VKORC1L1: variants seen among roughly 807,000 people sequenced by gnomAD.
The protein encoded by VKORC1L1 is vitamin K epoxide reductase complex subunit 1-like protein 1.
Under a neutral mutation model 18.9 loss-of-function variants are expected in VKORC1L1, and 2 were observed. That is an observed-to-expected ratio of 0.11 (90% CI 0.04 to 0.33). VKORC1L1 has a LOEUF of 0.33. VKORC1L1 is among the 10% of genes least tolerant of loss of function. The pLI, the probability that VKORC1L1 is intolerant of heterozygous loss-of-function variation, is 1.00. For missense variants in VKORC1L1, 123 were observed against 224.1 expected, an observed-to-expected ratio of 0.55 and a Z score of 2.88; for synonymous variants, 96 against 100.0, an observed-to-expected ratio of 0.96 and a Z score of 0.24.
At chr7:65,896,295 T>A (rs1789211049) in intron 1 of VKORC1L1, among the ~76,000 whole-genome samples, 1 of 152,174 alleles carries the variant, frequency 6.6e-6, no homozygotes, top group Admixed American at 6.6e-5. Context: ...TTATCTGTTT[T>A]ACTATTGATG....
At chr7:65,929,233 A>G (rs1263685040) in intron 1 of VKORC1L1, among the ~76,000 whole-genome samples, 1 of 152,050 alleles carries the variant, frequency 6.6e-6, no homozygotes, top group Admixed American at 6.6e-5. Context: ...ACATGGTGAA[A>G]CCTCATCTCT....
intron 1 of VKORC1L1, among the ~76,000 whole-genome samples, chr7:65,898,220 T>G (rs1429099457): frequency 6.6e-6 from 1 of 151,202 alleles, no homozygotes; most frequent in African/African-American, 2.4e-5. Context: ...CCCGAGTGTA[T>G]GGGTTACAGG....
At chr7:65,945,539 G>A (rs1018678008) in intron 1 of VKORC1L1, among the ~76,000 whole-genome samples, 18 of 151,938 alleles carry the variant, frequency 1.2e-4, no homozygotes, top group African/African-American at 2.4e-4. Context: ...CTGAACCTGG[G>A]AGGCGGAACT....
chr7:65,940,215 G>T (rs765255977), intron 1 of VKORC1L1, among the ~76,000 whole-genome samples: 23 of 151,860 alleles, frequency 1.5e-4, no homozygotes, highest in Non-Finnish European at 2.4e-4. Flanking sequence ...TCTAGAGATG[G>T]GGTCTCACCA....
intron 2 of VKORC1L1, among the ~76,000 whole-genome samples, chr7:65,950,042 T>C (rs1343674052): frequency 1.3e-5 from 2 of 152,226 alleles, no homozygotes; most frequent in African/African-American, 4.8e-5. Flanking sequence ...TTGGTTTCCC[T>C]GAAGCTCCAG....
intron 1 of VKORC1L1, among the ~76,000 whole-genome samples, chr7:65,889,751 G>A (rs185200857): frequency 2.0e-5 from 3 of 152,036 alleles, no homozygotes; most frequent in South Asian, 4.2e-4. Flanking sequence ...TTCTAAGATC[G>A]CACCTAAACT....
Position 65,948,794 on chromosome 7 carries a change from A to G in VKORC1L1, c.304+14A>G. On this transcript the variant is annotated intron_variant, in intron 2 of 2. Coordinates refer to ENST00000360768, the MANE Select transcript of VKORC1L1 (RefSeq NM_173517.6). The stretch of plus-strand genomic sequence containing the variant: ...AGTTATTACTTGGTAAGTATTTATC[A>G]ATACAAAAATAAGTTTGTTATATTC... 1 of 691,950 alleles carries G rather than the reference A, an allele frequency of 1.4e-6. No homozygotes were observed. Among genetic ancestry groups the G allele is most frequent in the South Asian group, 1.9e-5 (1 of 52,272 alleles). 42.9% of individuals were successfully genotyped at this position (691,950 alleles called of 1,614,324 possible). A position where few individuals can be genotyped will look rare whatever the true frequency, so the allele number is the denominator to read the frequency against.
intron 1 of VKORC1L1, among the ~76,000 whole-genome samples, chr7:65,885,863 C>T (rs1003087584): frequency 2.0e-4 from 31 of 152,090 alleles, no homozygotes; most frequent in African/African-American, 5.8e-4. Context: ...TTACTGTTTC[C>T]GGTGAATTCT....
chr7:65,924,734 G>T (rs1456334439), intron 1 of VKORC1L1, among the ~76,000 whole-genome samples: 3 of 152,128 alleles, frequency 2.0e-5, no homozygotes, highest in African/African-American at 7.2e-5. Context: ...TTCAAATTGG[G>T]TGAAAATCTA....
chr7:65,950,136 T>C (rs1790189127), intron 2 of VKORC1L1, among the ~76,000 whole-genome samples: 1 of 152,208 alleles, frequency 6.6e-6, no homozygotes, highest in African/African-American at 2.4e-5. Context: ...AAATTGCTAA[T>C]AGTTACACAT....
chr7:65,943,583 C>G (rs1279211286), intron 1 of VKORC1L1, among the ~76,000 whole-genome samples: 1 of 152,102 alleles, frequency 6.6e-6, no homozygotes, highest in Non-Finnish European at 1.5e-5. Context: ...TTTTAATGGT[C>G]AGGAGTTCGA....
chr7:65,928,576 A>G (rs1182649795), intron 1 of VKORC1L1, among the ~76,000 whole-genome samples: 1 of 152,204 alleles, frequency 6.6e-6, no homozygotes, highest in Admixed American at 6.5e-5. Flanking sequence ...CACCAAATGA[A>G]ACAATTCCTT....
At chr7:65,905,470 C>T (rs1422686234) in intron 1 of VKORC1L1, among the ~76,000 whole-genome samples, 6 of 151,990 alleles carry the variant, frequency 3.9e-5, no homozygotes, top group African/African-American at 7.2e-5. Context: ...CCACCACACT[C>T]GGCTAATTTT....
At position 65,951,583 on chromosome 7, in the gene VKORC1L1, A is replaced by AT. The variant is rs200800726; in HGVS notation, c.305-2491_305-2490insT. ...AGCGAGACTCCTTCAGGAAAAAAAA[A>AT]ATATATATATATATACATATATAAA... is the stretch of plus-strand genomic sequence containing the variant. On this transcript the variant is annotated intron_variant, in intron 2 of 2. Coordinates refer to ENST00000360768, the MANE Select transcript of VKORC1L1 (RefSeq NM_173517.6). 2.2e-3 allele frequency among the ~76,000 whole-genome samples: 329 copies of AT among 150,462 alleles called. 2 individuals are homozygous for AT. In the East Asian group the frequency reaches 0.031, roughly 14 times the overall value.
chr7:65,926,597 C>G (rs556998964), intron 1 of VKORC1L1, among the ~76,000 whole-genome samples: 14 of 152,308 alleles, frequency 9.2e-5, no homozygotes, highest in African/African-American at 3.1e-4. Flanking sequence ...AGTCCCACTC[C>G]TGGGTATCTA....
At chr7:65,875,205 C>T (rs966776591) in intron 1 of VKORC1L1, among the ~76,000 whole-genome samples, 2 of 152,068 alleles carry the variant, frequency 1.3e-5, no homozygotes, top group Non-Finnish European at 2.9e-5. Flanking sequence ...TTATAAACTA[C>T]TTGCAAAAAT....
At chr7:65,922,977 C>T (rs970054805) in intron 1 of VKORC1L1, among the ~76,000 whole-genome samples, 4 of 152,200 alleles carry the variant, frequency 2.6e-5, no homozygotes, top group Non-Finnish European at 2.9e-5. Context: ...TTATCTCTCT[C>T]TCTCTCCAAA....
chr7:65,946,988 A>AT (rs34270153), intron 1 of VKORC1L1, among the ~76,000 whole-genome samples: 14,548 of 151,388 alleles, frequency 0.096, 837 homozygotes, highest in Middle Eastern at 0.18. Context: ...TACCAAAAAA[A>AT]AAATATATAT....
At chr7:65,951,638 C>G (rs897675376) in intron 2 of VKORC1L1, among the ~76,000 whole-genome samples, 1 of 151,888 alleles carries the variant, frequency 6.6e-6, no homozygotes, top group Non-Finnish European at 1.5e-5. Flanking sequence ...CTATCCCACC[C>G]CTTCCCTTTA....
Sources: gnomAD v4.1 joint callset for allele counts (sites outside exome capture counted in the v4.1 genomes callset) on GRCh38, gnomAD v4.1.1 for gene constraint, MANE v1.5 for transcripts, NCBI Gene and HGNC (gene_info 2026-07-23, HGNC 2026-07-21) for gene names.